Variants in MROH2B observed in about 807,000 individuals in gnomAD.
MROH2B encodes maestro heat like repeat family member 2B, also known as maestro heat-like repeat-containing protein family member 2B.
A neutral mutation model predicts 208.6 loss-of-function variants in MROH2B; 177 were observed. That is an observed-to-expected ratio of 0.85 (90% confidence interval 0.75 to 0.96). The LOEUF is 0.96. Among genes scored for constraint, MROH2B ranks in the 40% least tolerant of loss-of-function variants. MROH2B has a pLI of 0.00. For synonymous variants in MROH2B, 728 were observed against 659.0 expected (o/e 1.10, Z -1.60); for missense variants, 2,002 against 1,878.7 (o/e 1.07, Z -1.21).
intron 9 of MROH2B, among the ~76,000 whole-genome samples, chr5:41,056,774 C>A (rs1374702001): frequency 2.1e-3 from 237 of 114,480 alleles, no homozygotes; most frequent in Non-Finnish European, 2.3e-3. Flanking sequence ...TCTCAAATAC[C>A]AAAAAAAAAA....
At chr5:41,005,493 G>T (rs1741556571) in intron 35 of MROH2B, 38 bp downstream of exon 35, 1 of 1,405,284 alleles carries the variant, frequency 7.1e-7, no homozygotes, top group South Asian at 1.2e-5. Flanking sequence ...ACCCTATGGG[G>T]ACCCAGTGAG....
At chr5:41,000,122 C>T in intron 39 of MROH2B, 98 bp downstream of exon 39, 1 of 1,513,196 alleles carries the variant, frequency 6.6e-7, no homozygotes. Flanking sequence ...GCAGTTCTGG[C>T]TCTGGCCAGA....
chr5:41,036,695 T>TA (rs913233267), intron 21 of MROH2B, among the ~76,000 whole-genome samples: 5 of 152,008 alleles, frequency 3.3e-5, no homozygotes, highest in African/African-American at 7.2e-5. Flanking sequence ...GGGACAAGGG[T>TA]AAAAAAACCT....
In MROH2B at chr5:41,008,696, G is replaced by A. The variant is rs1433023228; in HGVS notation, c.3518C>T (p.Thr1173Ile). The A allele has an allele frequency of 6.2e-7, 1 of 1,613,800 alleles. No homozygotes were observed. Among genetic ancestry groups the A allele is most frequent in the Non-Finnish European group, 8.5e-7 (1 of 1,179,838 alleles). ...FTLLLKLVSCTLGQKMLTCPW... is the reference protein window; with the variant it reads ...FTLLLKLVSCILGQKMLTCPW... The stretch of plus-strand genomic sequence containing the variant: ...ACAAGTGAGCATCTTCTGGCCCAGT[G>A]TGCAGCTAACCAGCTTCAGGAGGAG... The change falls in exon 33 of 42, where the codon ACA becomes ATA. Residue 1173 changes from threonine (T) to isoleucine (I), a missense_variant. By Grantham distance (89) the Thr-to-Ile change is moderately conservative (BLOSUM62 -1). Coordinates refer to ENST00000399564, the MANE Select transcript of MROH2B (RefSeq NM_173489.5).
intron 31 of MROH2B, 53 bp downstream of exon 31, chr5:41,009,869 G>T (rs1579906694): frequency 6.4e-7 from 1 of 1,553,832 alleles, no homozygotes; most frequent in East Asian, 2.3e-5. Flanking sequence ...CCTCCCCAGT[G>T]CCTTTCAGAG....
intron 37 of MROH2B, among the ~76,000 whole-genome samples, chr5:41,001,770 A>T (rs1366296318): frequency 4.6e-5 from 7 of 152,032 alleles, no homozygotes; most frequent in South Asian, 2.1e-4. Flanking sequence ...GTGGAGGAAG[A>T]TGGCCTCCTA....
At chr5:41,026,788 C>G (rs551726756) in intron 24 of MROH2B, among the ~76,000 whole-genome samples, 5 of 152,094 alleles carry the variant, frequency 3.3e-5, no homozygotes, top group Non-Finnish European at 7.4e-5. Context: ...CTTTAAACTA[C>G]ACTACAAGGC....
intron 17 of MROH2B, 61 bp downstream of exon 17, chr5:41,047,660 G>T: frequency 7.0e-7 from 1 of 1,420,050 alleles, no homozygotes; most frequent in Non-Finnish European, 9.7e-7. Flanking sequence ...AATTTAGGAT[G>T]GGTAACTTCA....
intron 24 of MROH2B, among the ~76,000 whole-genome samples, chr5:41,030,751 TG>T (rs1218282808): frequency 6.6e-6 from 1 of 152,084 alleles, no homozygotes; most frequent in African/African-American, 2.4e-5. Flanking sequence ...AGCATGGCAC[TG>T]GTATAAAAAT....
At chr5:41,000,639 G>A (rs752575048) in intron 38 of MROH2B, 39 bp downstream of exon 38, 2 of 1,579,554 alleles carry the variant, frequency 1.3e-6, no homozygotes, top group Admixed American at 3.6e-5. Context: ...TCAGCCATGG[G>A]GAGAGCAGGA....
Position 41,045,859 on chromosome 5 carries a change from G to A in MROH2B, c.1729-6C>T, listed in dbSNP as rs1743103466. On this transcript the variant is annotated splice_polypyrimidine_tract_variant and splice_region_variant and intron_variant, in intron 17 of 41. Coordinates refer to ENST00000399564, the MANE Select transcript of MROH2B (RefSeq NM_173489.5). ...CATAAGGATTCTTTGAGCAACTGTTGTAGGAAGTGGAAGTTAGATGTGAAT... is the reference window on the plus strand; with the variant it reads ...CATAAGGATTCTTTGAGCAACTGTTATAGGAAGTGGAAGTTAGATGTGAAT... 1 of 1,604,086 alleles carries A rather than the reference G, an allele frequency of 6.2e-7. No homozygotes were observed. Among genetic ancestry groups the A allele is most frequent in the Non-Finnish European group, 8.5e-7 (1 of 1,172,852 alleles).
intron 1 of MROH2B, among the ~76,000 whole-genome samples, chr5:41,070,145 A>G (rs13158729): frequency 0.28 from 43,101 of 151,910 alleles, 7,057 homozygotes; most frequent in Non-Finnish European, 0.38. Context: ...TTTATTTTTC[A>G]CTGGTCCTCC....
In MROH2B at chr5:41,058,088, T is replaced by C. The variant is rs756350684; in HGVS notation, c.731A>G (p.Lys244Arg). The change falls in exon 7 of 42, where the codon AAA becomes AGA. Residue 244 changes from lysine (K) to arginine (R), a missense_variant. Physicochemically the swap from Lys to Arg is conservative, Grantham distance 26 (BLOSUM62 2). Transcript: ENST00000399564. ...CTGAGTGACATGGAAATCAATCTCT[T>C]TGTCTTTATACTGGTTCAGGAGCCA... ...VPWLLNQYKDKEIDFHVTQSL... is the reference protein window; with the variant it reads ...VPWLLNQYKDREIDFHVTQSL... 6 of 1,595,508 alleles carry C rather than the reference T, an allele frequency of 3.8e-6. No homozygotes were observed. Among genetic ancestry groups the C allele is most frequent in the East Asian group, 4.5e-5 (2 of 44,036 alleles).
At chr5:41,026,119 G>C (rs1284562295) in intron 24 of MROH2B, among the ~76,000 whole-genome samples, 1 of 152,070 alleles carries the variant, frequency 6.6e-6, no homozygotes, top group African/African-American at 2.4e-5. Flanking sequence ...CCTTTGAAAA[G>C]TGGCACAAGA....
intron 24 of MROH2B, among the ~76,000 whole-genome samples, chr5:41,024,256 C>G (rs1331636346): frequency 6.6e-6 from 1 of 152,114 alleles, no homozygotes. Flanking sequence ...GATAAAGAGT[C>G]AAGACCCACC....
chr5:41,021,817 A>G (rs1742158880), intron 24 of MROH2B, among the ~76,000 whole-genome samples: 1 of 152,162 alleles, frequency 6.6e-6, no homozygotes, highest in African/African-American at 2.4e-5. Context: ...GTCAAGGTGC[A>G]GTAAGCCGAG....
Position 41,057,095 on chromosome 5 carries a change from G to T in MROH2B, c.919+14C>A. ...GGACATTTTTATTAAAAGCCTTCTG[G>T]ATGCTGGTCCTACCTAGAATGAGAA... is the stretch of plus-strand genomic sequence containing the variant. On this transcript the variant is annotated intron_variant, in intron 9 of 41. Transcript: ENST00000399564. 1 of 1,613,670 alleles carries T rather than the reference G, an allele frequency of 6.2e-7. No individual in the cohort carries two copies. The highest frequency in any genetic ancestry group is 8.5e-7 in the Non-Finnish European group (1 of 1,179,688).
intron 28 of MROH2B, among the ~76,000 whole-genome samples, chr5:41,016,021 AT>A (rs1741937327): frequency 1.3e-5 from 2 of 152,208 alleles, no homozygotes; most frequent in Non-Finnish European, 2.9e-5. Context: ...ATTTGAATGT[AT>A]ATTAATCATG....
In MROH2B at chr5:41,022,486, G is replaced by T. The variant is rs574210750; in HGVS notation, c.2442-3468C>A. On this transcript the variant is annotated intron_variant, in intron 24 of 41. Coordinates refer to ENST00000399564, the MANE Select transcript of MROH2B (RefSeq NM_173489.5). ...CAGTCTGAGATCGAACTGCAAGGTG[G>T]CAGCGAGGCTGGGGGAGGGGCGCCC... Among the ~76,000 whole-genome samples, 87 of 152,338 alleles carry T rather than the reference G, an allele frequency of 5.7e-4. 1 individual carries two copies. The highest frequency in any genetic ancestry group is 2.1e-3 in the African/African-American group (87 of 41,578).
Sources: gnomAD v4.1 joint callset for allele counts (sites outside exome capture counted in the v4.1 genomes callset) on GRCh38, gnomAD v4.1.1 for gene constraint, MANE v1.5 for transcripts, NCBI Gene and HGNC (gene_info 2026-07-23, HGNC 2026-07-21) for gene names.